The following FNBP1 variants were observed in gnomAD, a reference collection of about 807,000 sequenced individuals.
The protein encoded by FNBP1 is formin binding protein 1.
Under a neutral mutation model 90.6 loss-of-function variants are expected in FNBP1, and 26 were observed. The ratio of observed to expected loss-of-function variants is 0.29; its 90% CI spans 0.21 to 0.40. The LOEUF (loss-of-function observed/expected upper bound fraction) is 0.40. Among genes scored for constraint, FNBP1 ranks in the 10% least tolerant of loss-of-function variants. FNBP1 has a pLI of 1.00. For synonymous variants in FNBP1, 260 were observed against 265.2 expected, an observed-to-expected ratio of 0.98 and a Z score of 0.19; for missense variants, 635 against 768.0, an observed-to-expected ratio of 0.83 and a Z score of 2.05.
At chr9:129,941,051 C>G (rs1564387280) in intron 6 of FNBP1, among the ~76,000 whole-genome samples, 1 of 152,138 alleles carries the variant, frequency 6.6e-6, no homozygotes, top group Non-Finnish European at 1.5e-5. Context: ...AAGGTCTTCA[C>G]AACTACAGGA....
At chr9:130,036,605 C>G (rs1473541523) in intron 1 of FNBP1, among the ~76,000 whole-genome samples, 1 of 152,160 alleles carries the variant, frequency 6.6e-6, no homozygotes, top group African/African-American at 2.4e-5. Context: ...AATTTGTTCT[C>G]ATGGAGAAGT....
At chr9:129,905,202 T>C (rs990914804) in intron 12 of FNBP1, among the ~76,000 whole-genome samples, 3 of 151,512 alleles carry the variant, frequency 2.0e-5, no homozygotes, top group Non-Finnish European at 4.4e-5. Flanking sequence ...TCCCAGTCTT[T>C]CCTAATCAAT....
chr9:130,053,838 C>A, the FNBP1 span: 2 of 1,218,980 alleles, frequency 1.6e-6, no homozygotes, highest in Non-Finnish European at 2.3e-6. Flanking sequence ...GCGGAGCTAG[C>A]CGCCGAGCCC....
In FNBP1 at chr9:130,042,837, C is replaced by A. The variant is rs899544639; in HGVS notation, c.24+115G>T. On this transcript the variant is annotated intron_variant, in intron 1 of 16. Transcript: ENST00000446176. This position sits in a 1 kb window ranked among gnomAD's most constrained non-coding sequence, Gnocchi z 5.5. ...CGCCTCCTCCCCAGGCCGCGAGGAC[C>A]CCGACCAGCGCGCCCTCGCCTCCGC... is the stretch of plus-strand genomic sequence containing the variant. 5.9e-6 allele frequency: 4 copies of A among 674,760 alleles called. No individual in the cohort carries two copies. In the African/African-American group the frequency reaches 7.5e-5, roughly 13 times the overall value. 41.8% of individuals were successfully genotyped at this position (674,760 alleles called of 1,614,324 possible). A position where few individuals can be genotyped will look rare whatever the true frequency, so the allele number is the denominator to read the frequency against.
intron 1 of FNBP1, among the ~76,000 whole-genome samples, chr9:130,007,229 G>A (rs1197381257): frequency 2.1e-5 from 2 of 95,592 alleles, no homozygotes; most frequent in African/African-American, 8.1e-5. Context: ...GCAACAGAGT[G>A]AGATCCTGTC....
chr9:129,938,085 C>G (rs932262483), intron 6 of FNBP1, among the ~76,000 whole-genome samples: 1 of 152,066 alleles, frequency 6.6e-6, no homozygotes, highest in Non-Finnish European at 1.5e-5. Context: ...ATCACTTGAA[C>G]CTGGGAGGCA....
intron 1 of FNBP1, among the ~76,000 whole-genome samples, chr9:130,024,654 C>T (rs937865946): frequency 2.6e-5 from 4 of 152,116 alleles, no homozygotes; most frequent in South Asian, 4.1e-4. Context: ...CTGTTCATTC[C>T]GCTTTCTCAA....
chr9:129,939,159 C>T (rs113431427), intron 6 of FNBP1, among the ~76,000 whole-genome samples: 15,235 of 151,922 alleles, frequency 0.1, 849 homozygotes, highest in African/African-American at 0.16. Flanking sequence ...GAGGCTGAGG[C>T]GGGTGGATCA....
intron 1 of FNBP1, among the ~76,000 whole-genome samples, chr9:130,039,010 C>T (rs979142891): frequency 1.3e-5 from 2 of 152,136 alleles, no homozygotes; most frequent in East Asian, 3.8e-4. Flanking sequence ...AAAAAACATT[C>T]AAATGTAAGC....
chr9:129,894,281 C>T (rs1373355367), intron 16 of FNBP1, among the ~76,000 whole-genome samples: 1 of 152,050 alleles, frequency 6.6e-6, no homozygotes, highest in Non-Finnish European at 1.5e-5. Flanking sequence ...TGCCTGGCAA[C>T]CATCTACGCA....
chr9:130,042,997 C>G lies in FNBP1; in HGVS notation c.-22G>C. The G allele has an allele frequency of 2.4e-6, 3 of 1,225,028 alleles. No homozygotes were observed. The highest frequency in any genetic ancestry group is 8.2e-5 in the South Asian group (2 of 24,362). The allele number at this position is 1,225,028 out of a possible 1,614,324, so 75.9% of individuals were successfully genotyped here. On this transcript the variant is annotated 5_prime_UTR_variant, in exon 1 of 17. Transcript: ENST00000446176. This position sits in a 1 kb window ranked among gnomAD's most constrained non-coding sequence, Gnocchi z 5.5. ...TCATGGTGCAGGGGACGCGAAGGGG[C>G]GCTCCGCGCGGCGGGCGCGGCTCTC...
intron 4 of FNBP1, among the ~76,000 whole-genome samples, chr9:129,971,593 G>C (rs138382403): frequency 3.3e-5 from 5 of 152,260 alleles, no homozygotes; most frequent in African/African-American, 9.6e-5. Flanking sequence ...GTTTCACCAT[G>C]TCGGCCAGGC....
Position 129,957,606 on chromosome 9 carries a change from C to T in FNBP1, c.409-142G>A, listed in dbSNP as rs2047155645. On this transcript the variant is annotated intron_variant, in intron 5 of 16. Transcript: ENST00000446176. This position sits in a 1 kb window ranked among gnomAD's most constrained non-coding sequence, Gnocchi z 4.3. ...TCACTTTGTCACCCAGGCTGGAGTG[C>T]AGTGGCGCCATCTTGGCTCACTGCA... The T allele has an allele frequency of 2.9e-6, 2 of 684,558 alleles. No homozygotes were observed. The highest frequency in any genetic ancestry group is 4.8e-6 in the Non-Finnish European group (2 of 413,476). 42.4% of individuals were successfully genotyped at this position (684,558 alleles called of 1,614,324 possible).
intron 2 of FNBP1, among the ~76,000 whole-genome samples, chr9:129,985,703 T>C (rs534048032): frequency 2.0e-4 from 30 of 152,196 alleles, no homozygotes; most frequent in African/African-American, 5.8e-4. Flanking sequence ...GGCTCATGCC[T>C]ATAATCCCAG....
chr9:129,899,943 T>G, intron 15 of FNBP1, 22 bp downstream of exon 15: 3 of 1,553,106 alleles, frequency 1.9e-6, no homozygotes, highest in Non-Finnish European at 2.6e-6. Context: ...GGCAGGGGAA[T>G]CCAGCAGACA....
chr9:130,026,509 A>T (rs1000166923), intron 1 of FNBP1, among the ~76,000 whole-genome samples: 10 of 152,038 alleles, frequency 6.6e-5, no homozygotes, highest in Non-Finnish European at 1.2e-4. Context: ...AACAAACAAA[A>T]AAAAGATCTT....
At chr9:129,912,690 C>CAAAAAA (rs35355384) in intron 11 of FNBP1, among the ~76,000 whole-genome samples, 1 of 108,256 alleles carries the variant, frequency 9.2e-6, no homozygotes, top group Non-Finnish European at 1.8e-5. Flanking sequence ...AACTCCATCT[C>CAAAAAA]AAAAAAAAAA....
At chr9:130,024,932 C>T (rs561522478) in intron 1 of FNBP1, among the ~76,000 whole-genome samples, 5 of 152,168 alleles carry the variant, frequency 3.3e-5, no homozygotes, top group African/African-American at 1.2e-4. Context: ...GTAATCCCAG[C>T]ACTTTGGGAG....
rs2131880108 is a variant in FNBP1, at chr9:129,923,853, T to C, written c.1161A>G (p.Leu387=). ...CCGGAGCAGAACTTACCCCACGCTT[T>C]AGGCTCCTGAAGCAGTGGATTTTGG... is the stretch of plus-strand genomic sequence containing the variant. ...SKPKIHCFRS[L]KRGLSLKLGA... Residue 387 remains leucine (L), a synonymous_variant, in exon 10 of 17, where the codon CTA becomes CTG. Coordinates refer to ENST00000446176, the MANE Select transcript of FNBP1 (RefSeq NM_015033.3). The C allele has an allele frequency of 6.3e-7, 1 of 1,595,404 alleles. No homozygotes were observed. Among genetic ancestry groups the C allele is most frequent in the South Asian group, 1.1e-5 (1 of 87,714 alleles).
Sources: gnomAD v4.1 joint callset for allele counts (sites outside exome capture counted in the v4.1 genomes callset) on GRCh38, gnomAD v4.1.1 for gene constraint, Gnocchi (gnomAD v3.1) non-coding constraint, MANE v1.5 for transcripts, NCBI Gene and HGNC (gene_info 2026-07-23, HGNC 2026-07-21) for gene names.